The following FAM120B variants were observed in gnomAD, a reference collection of about 807,000 sequenced individuals.
FAM120B encodes family with sequence similarity 120 member B.
Under a neutral mutation model 96.3 loss-of-function variants are expected in FAM120B, and 83 were observed. That is an observed-to-expected ratio of 0.86 (90% CI 0.72 to 1.03). FAM120B has a LOEUF of 1.03. Among genes scored for constraint, FAM120B ranks in the 50% least tolerant of loss-of-function variants. The pLI, the probability that FAM120B is intolerant of heterozygous loss-of-function variation, is 0.00. For missense variants in FAM120B, 1,027 were observed against 1,121.2 expected, an observed-to-expected ratio of 0.92 and a Z score of 1.20; for synonymous variants, 407 against 402.7, an observed-to-expected ratio of 1.01 and a Z score of -0.13.
chr6:170,335,806 G>A (rs1055019766), intron 4 of FAM120B, among the ~76,000 whole-genome samples: 2 of 152,192 alleles, frequency 1.3e-5, no homozygotes, highest in Admixed American at 1.3e-4. Context: ...AATGACCAGT[G>A]ATGATGAGCT....
At chr6:170,384,156 A>G (rs185574967) in intron 6 of FAM120B, among the ~76,000 whole-genome samples, 1 of 152,316 alleles carries the variant, frequency 6.6e-6, no homozygotes, top group Non-Finnish European at 1.5e-5. Flanking sequence ...TCTTATGTGG[A>G]GAGACAGTTT....
chr6:170,375,533 T>TA (rs1393048510), intron 6 of FAM120B, among the ~76,000 whole-genome samples: 1 of 152,230 alleles, frequency 6.6e-6, no homozygotes, highest in Non-Finnish European at 1.5e-5. Context: ...TATTTCCCTA[T>TA]AAAGACACTT....
intron 1 of FAM120B, among the ~76,000 whole-genome samples, chr6:170,313,794 T>C (rs1211196041): frequency 1.3e-5 from 2 of 152,208 alleles, no homozygotes; most frequent in African/African-American, 2.4e-5. Flanking sequence ...TCTTTTAGCT[T>C]TAGACAGTTA....
chr6:170,391,392 G>A (rs925466259), intron 8 of FAM120B, among the ~76,000 whole-genome samples: 18 of 152,108 alleles, frequency 1.2e-4, no homozygotes, highest in African/African-American at 3.6e-4. Flanking sequence ...AAAATGAACC[G>A]GGCGTGTTGG....
chr6:170,399,324 G>C (rs1270602838), intron 9 of FAM120B, among the ~76,000 whole-genome samples: 1 of 149,310 alleles, frequency 6.7e-6, no homozygotes, highest in African/African-American at 2.5e-5. Context: ...TTAGGAGTGA[G>C]TGAGAAAGGT....
intron 9 of FAM120B, among the ~76,000 whole-genome samples, chr6:170,398,286 A>G (rs751509925): frequency 6.6e-6 from 1 of 152,280 alleles, no homozygotes; most frequent in Non-Finnish European, 1.5e-5. Context: ...TGGGTGAGAC[A>G]TTAGTAAAGT....
At chr6:170,331,032 C>T (rs78377106) in intron 4 of FAM120B, among the ~76,000 whole-genome samples, 4,771 of 152,202 alleles carry the variant, frequency 0.031, 191 homozygotes, top group East Asian at 0.11. Flanking sequence ...AGGGTTATTT[C>T]CACTGGAAAA....
rs962786002 is a variant in FAM120B, at chr6:170,365,796, G to A, written c.2283+7478G>A. Among the ~76,000 whole-genome samples, 59 of 149,842 alleles carry A rather than the reference G, an allele frequency of 3.9e-4. 1 individual carries two copies. The highest frequency in any genetic ancestry group is 1.4e-3 in the African/African-American group (57 of 40,954). Reference sequence around the variant, plus strand: ...CCTCCCCCACAGGCTGCCTGGAGCAGGGCTCTGCTGGAATCACGGAAGGAA... The same window carrying A: ...CCTCCCCCACAGGCTGCCTGGAGCAAGGCTCTGCTGGAATCACGGAAGGAA... On this transcript the variant is annotated intron_variant, in intron 6 of 10. Transcript: ENST00000476287.
chr6:170,333,614 T>C (rs904388884), intron 4 of FAM120B, among the ~76,000 whole-genome samples: 2 of 151,050 alleles, frequency 1.3e-5, no homozygotes, highest in African/African-American at 4.9e-5. Flanking sequence ...GCCTCCTGAG[T>C]AGCTGGGACT....
intron 7 of FAM120B, among the ~76,000 whole-genome samples, chr6:170,390,762 A>G (rs1288752090): frequency 6.6e-6 from 1 of 152,178 alleles, no homozygotes; most frequent in Non-Finnish European, 1.5e-5. Context: ...TGTTTAACCT[A>G]CAGAAGCTGC....
intron 4 of FAM120B, among the ~76,000 whole-genome samples, chr6:170,333,751 G>T (rs1305343955): frequency 6.6e-6 from 1 of 151,996 alleles, no homozygotes; most frequent in East Asian, 1.9e-4. Flanking sequence ...CTCCCAAAGT[G>T]CTGGGATTAC....
chr6:170,347,291 G>GCT (rs1787256851), intron 4 of FAM120B, among the ~76,000 whole-genome samples: 1 of 152,176 alleles, frequency 6.6e-6, no homozygotes, highest in Admixed American at 6.6e-5. Flanking sequence ...GAAAATCACA[G>GCT]CTGTGGATAG....
intron 9 of FAM120B, among the ~76,000 whole-genome samples, chr6:170,400,952 A>T (rs761854974): frequency 6.6e-6 from 1 of 152,180 alleles, no homozygotes; most frequent in Non-Finnish European, 1.5e-5. Context: ...GACGACAGAG[A>T]CTACAGGAGC....
At chr6:170,364,564 T>A (rs1788657083) in intron 6 of FAM120B, among the ~76,000 whole-genome samples, 1 of 152,228 alleles carries the variant, frequency 6.6e-6, no homozygotes, top group Non-Finnish European at 1.5e-5. Flanking sequence ...GAGCATTTGC[T>A]GAGACAGGCA....
intron 4 of FAM120B, among the ~76,000 whole-genome samples, chr6:170,332,874 T>A (rs894924754): frequency 3.3e-5 from 5 of 152,180 alleles, no homozygotes; most frequent in Admixed American, 2.6e-4. Flanking sequence ...TGCTACATTT[T>A]CAGTGAATTT....
intron 9 of FAM120B, among the ~76,000 whole-genome samples, chr6:170,399,536 A>C (rs1044446812): frequency 4.6e-5 from 7 of 150,594 alleles, no homozygotes; most frequent in African/African-American, 1.5e-4. Context: ...AGGTAGAACT[A>C]TGTCATAACC....
At chr6:170,394,401 G>C (rs145952757) in intron 8 of FAM120B, among the ~76,000 whole-genome samples, 23 of 152,354 alleles carry the variant, frequency 1.5e-4, no homozygotes, top group African/African-American at 5.5e-4. Flanking sequence ...TGGTCCTGAG[G>C]GCAGCCCAGG....
intron 3 of FAM120B, 137 bp downstream of exon 3, chr6:170,323,396 A>G: frequency 1.4e-6 from 1 of 695,046 alleles, no homozygotes; most frequent in South Asian, 2.2e-5. Flanking sequence ...CAAATCTATA[A>G]TTGAGAATAC....
chr6:170,295,525 C>A lies in FAM120B; in HGVS notation c.48+72C>A. 1 of 644,628 alleles carries A rather than the reference C, an allele frequency of 1.6e-6. No individual in the cohort carries two copies. The highest frequency in any genetic ancestry group is 2.8e-6 in the Non-Finnish European group (1 of 361,526). The allele number at this position is 644,628 out of a possible 1,614,324, so 39.9% of individuals were successfully genotyped here. ...CGCGCTTCCACAGCGGGCAGGAGCG[C>A]GACCCCCGGCGCGGGCAGCTCTGCG... On this transcript the variant is annotated intron_variant, in intron 1 of 10. Coordinates refer to the FAM120B transcript ENST00000537664. This position sits in a 1 kb window ranked among gnomAD's most constrained non-coding sequence, Gnocchi z 7.8.
Sources: gnomAD v4.1 joint callset for allele counts (sites outside exome capture counted in the v4.1 genomes callset) on GRCh38, gnomAD v4.1.1 for gene constraint, Gnocchi (gnomAD v3.1) non-coding constraint, MANE v1.5 for transcripts, NCBI Gene and HGNC (gene_info 2026-07-23, HGNC 2026-07-21) for gene names.